GRIA4: variants seen among roughly 807,000 people sequenced by gnomAD.
GRIA4 encodes glutamate receptor 4.
In GRIA4, 34 loss-of-function variants were observed where a neutral mutation model predicts 104.0. That is an observed-to-expected ratio of 0.33 (90% CI 0.25 to 0.44). GRIA4 has a LOEUF of 0.44. Among genes scored for constraint, GRIA4 ranks in the 20% least tolerant of loss-of-function variants. The pLI is 1.00. For synonymous variants in GRIA4, 386 were observed against 381.9 expected (o/e 1.01, Z -0.13); for missense variants, 750 against 1,096.5 (o/e 0.68, Z 4.46).
intron 10 of GRIA4, chr11:105,912,639 T>C (rs1368870340): frequency 4.5e-6 from 3 of 663,054 alleles, no homozygotes; most frequent in Non-Finnish European, 5.6e-6. Flanking sequence ...ATAATACTAG[T>C]ATCTTTTTGT....
At chr11:105,684,785 T>A (rs1017834011) in intron 3 of GRIA4, among the ~76,000 whole-genome samples, 4 of 151,672 alleles carry the variant, frequency 2.6e-5, no homozygotes, top group Non-Finnish European at 5.9e-5. Flanking sequence ...CTGTTTAAAT[T>A]GACGTATCAG....
At chr11:105,627,493 G>T (rs889746491) in intron 3 of GRIA4, among the ~76,000 whole-genome samples, 1 of 152,092 alleles carries the variant, frequency 6.6e-6, no homozygotes. Flanking sequence ...CTAATAGCAC[G>T]GTTCATCATT....
intron 3 of GRIA4, among the ~76,000 whole-genome samples, chr11:105,725,158 T>A (rs1415856651): frequency 6.6e-6 from 1 of 152,194 alleles, no homozygotes; most frequent in African/African-American, 2.4e-5. Flanking sequence ...ATATATAGAA[T>A]AATTCAAGCA....
At chr11:105,883,785 T>C (rs766574799) in intron 5 of GRIA4, among the ~76,000 whole-genome samples, 1 of 152,208 alleles carries the variant, frequency 6.6e-6, no homozygotes, top group Non-Finnish European at 1.5e-5. Flanking sequence ...CCTTTGGGTA[T>C]ATACCCCGTA....
intron 3 of GRIA4, among the ~76,000 whole-genome samples, chr11:105,686,732 C>T (rs2135481280): frequency 6.6e-6 from 1 of 152,190 alleles, no homozygotes; most frequent in Non-Finnish European, 1.5e-5. Context: ...CCTCATCAGC[C>T]TCTGTTGTCT....
chr11:105,907,700 A>G (rs911469976), intron 9 of GRIA4, among the ~76,000 whole-genome samples: 1 of 152,204 alleles, frequency 6.6e-6, no homozygotes, highest in Non-Finnish European at 1.5e-5. Flanking sequence ...AATTGTAAAA[A>G]TTTCATGTAT....
At chr11:105,889,071 C>T (rs1946374256) in intron 6 of GRIA4, among the ~76,000 whole-genome samples, 1 of 152,058 alleles carries the variant, frequency 6.6e-6, no homozygotes. Context: ...TAGGTTTTGT[C>T]ATCTATTCTT....
chr11:105,921,606 G>A (rs546061107), intron 11 of GRIA4, among the ~76,000 whole-genome samples: 7 of 152,106 alleles, frequency 4.6e-5, no homozygotes, highest in African/African-American at 9.6e-5. Flanking sequence ...TTCATACAAC[G>A]TTCACTTTCT....
chr11:105,767,220 G>A lies in GRIA4; in HGVS notation c.487+14000G>A, dbSNP rs969559499. Among the ~76,000 whole-genome samples, 6 of 152,208 alleles carry A rather than the reference G, an allele frequency of 3.9e-5. 1 individual carries two copies. In the South Asian group the frequency reaches 8.3e-4, roughly 21 times the overall value. ...GATCACTGAATAGTTATGGGGGAGG[G>A]TGGTCAGGAGCTTCTGAGGCCCGCT... On this transcript the variant is annotated intron_variant, in intron 4 of 16. Transcript: ENST00000282499.
intron 3 of GRIA4, among the ~76,000 whole-genome samples, chr11:105,712,976 A>G (rs1291954670): frequency 1.3e-5 from 2 of 152,204 alleles, no homozygotes; most frequent in Non-Finnish European, 2.9e-5. Context: ...ATGATGAGAT[A>G]TTGAATATCA....
intron 4 of GRIA4, among the ~76,000 whole-genome samples, chr11:105,775,435 G>T (rs73540343): frequency 0.11 from 16,049 of 151,978 alleles, 2,139 homozygotes; most frequent in African/African-American, 0.31. Context: ...TTTATGTAAT[G>T]ATGTATTTAT....
At chr11:105,865,069 A>G (rs1945356803) in intron 5 of GRIA4, among the ~76,000 whole-genome samples, 1 of 152,226 alleles carries the variant, frequency 6.6e-6, no homozygotes, top group South Asian at 2.1e-4. Flanking sequence ...TTTCCAAATT[A>G]TTTTATGACA....
chr11:105,876,920 G>A (rs1355413031), intron 5 of GRIA4, among the ~76,000 whole-genome samples: 2 of 152,140 alleles, frequency 1.3e-5, no homozygotes, highest in Admixed American at 6.6e-5. Context: ...TACATTTAAG[G>A]TTAATATTGT....
intron 3 of GRIA4, among the ~76,000 whole-genome samples, chr11:105,752,384 C>T (rs923131834): frequency 4.6e-5 from 7 of 151,994 alleles, no homozygotes; most frequent in Non-Finnish European, 8.8e-5. Flanking sequence ...AGCAGCCTAA[C>T]GTCTGTTTTC....
chr11:105,834,836 G>T (rs1944117213), intron 4 of GRIA4, among the ~76,000 whole-genome samples: 1 of 151,118 alleles, frequency 6.6e-6, no homozygotes. Flanking sequence ...CTAACAAAGA[G>T]AAAACCTATT....
chr11:105,791,032 G>A (rs919079275), intron 4 of GRIA4, among the ~76,000 whole-genome samples: 15 of 152,146 alleles, frequency 9.9e-5, no homozygotes, highest in African/African-American at 3.6e-4. Context: ...CTCCCACTGG[G>A]TAGATGATGA....
intron 4 of GRIA4, among the ~76,000 whole-genome samples, chr11:105,839,481 GC>G (rs1427343012): frequency 1.5e-4 from 21 of 135,570 alleles, no homozygotes; most frequent in Non-Finnish European, 2.8e-4. Flanking sequence ...TCATGTAATC[GC>G]TATCTCATTT....
At chr11:105,707,444 G>A (rs567073388) in intron 3 of GRIA4, 2 of 152,334 alleles carry the variant, frequency 1.3e-5, no homozygotes, top group Middle Eastern at 3.4e-3. Context: ...TGTACTGAAA[G>A]TTCATGGGAC....
At chr11:105,696,488 A>G (rs1306393216) in intron 3 of GRIA4, among the ~76,000 whole-genome samples, 2 of 152,190 alleles carry the variant, frequency 1.3e-5, no homozygotes, top group African/African-American at 4.8e-5. Flanking sequence ...ATTAAATCAT[A>G]TTTGGGGGCT....
Sources: gnomAD v4.1 joint callset for allele counts (sites outside exome capture counted in the v4.1 genomes callset) on GRCh38, gnomAD v4.1.1 for gene constraint, MANE v1.5 for transcripts, NCBI Gene and HGNC (gene_info 2026-07-23, HGNC 2026-07-21) for gene names.